Variants in NCOA3 observed in about 807,000 individuals in gnomAD.
The protein encoded by NCOA3 is nuclear receptor coactivator 3.
NCOA3 carries 51 observed loss-of-function variants against 158.8 expected under a neutral mutation model. The ratio of observed to expected loss-of-function variants is 0.32; its 90% CI spans 0.26 to 0.41. The LOEUF (loss-of-function observed/expected upper bound fraction) is 0.41. Ranked by LOEUF, NCOA3 falls within the 10% of genes least tolerant of loss-of-function variation. The pLI is 1.00. For missense variants in NCOA3, 1,510 were observed against 1,746.6 expected, an observed-to-expected ratio of 0.86 and a Z score of 2.41; for synonymous variants, 537 against 592.4, an observed-to-expected ratio of 0.91 and a Z score of 1.36.
rs71183264 is a variant in NCOA3, at chr20:47,567,012, CTATGTATGTATG to C, written c.-98-16131_-98-16120del. Reference sequence around the variant, plus strand: ...TACTAACAGTTTACATGGTATAGTACTATGTATGTATGTATGTATGTATGTATGTATGTATGT... The same window carrying C: ...TACTAACAGTTTACATGGTATAGTACTATGTATGTATGTATGTATGTATGT... On this transcript the variant is annotated intron_variant, in intron 1 of 22. Transcript: ENST00000371998. Among the ~76,000 whole-genome samples, 1,159 of 145,448 alleles carry C rather than the reference CTATGTATGTATG, an allele frequency of 8.0e-3. 14 individuals carry two copies. The highest frequency in any genetic ancestry group is 0.027 in the African/African-American group (1,049 of 39,038).
chr20:47,558,232 A>AT (rs71183263), intron 1 of NCOA3, among the ~76,000 whole-genome samples: 1,862 of 55,466 alleles, frequency 0.034, 210 homozygotes, highest in African/African-American at 0.078. Flanking sequence ...CTAATTTTGT[A>AT]TTTTTTTTTT....
chr20:47,650,842 G>A (rs1430915218), intron 19 of NCOA3, 140 bp from the exon 20 acceptor site: 13 of 797,778 alleles, frequency 1.6e-5, no homozygotes, highest in Admixed American at 7.2e-5. Context: ...CAGCCTGGGC[G>A]ACAGAGTGAG....
chr20:47,524,836 TCTC>T (rs770752840), intron 1 of NCOA3, among the ~76,000 whole-genome samples: 43 of 152,166 alleles, frequency 2.8e-4, no homozygotes, highest in Non-Finnish European at 5.3e-4. Context: ...TCTGCCTCAT[TCTC>T]CTGCTGCAGC....
intron 1 of NCOA3, among the ~76,000 whole-genome samples, chr20:47,528,424 G>A (rs117717469): frequency 0.017 from 2,510 of 151,990 alleles, 33 homozygotes; most frequent in Non-Finnish European, 0.027. Flanking sequence ...TGAATATATT[G>A]GTCTGGTATA....
At chr20:47,547,826 G>A (rs1315861340) in intron 1 of NCOA3, among the ~76,000 whole-genome samples, 2 of 151,694 alleles carry the variant, frequency 1.3e-5, no homozygotes, top group Non-Finnish European at 2.9e-5. Context: ...AGCGATTGTC[G>A]TGCCTTAGCC....
At chr20:47,646,532 A>G (rs953460669) in intron 17 of NCOA3, among the ~76,000 whole-genome samples, 1 of 152,232 alleles carries the variant, frequency 6.6e-6, no homozygotes, top group Non-Finnish European at 1.5e-5. Flanking sequence ...AAACAAAACC[A>G]AAAGTTCAGA....
At chr20:47,571,285 A>G (rs114079251) in intron 1 of NCOA3, among the ~76,000 whole-genome samples, 1,790 of 149,182 alleles carry the variant, frequency 0.012, 39 homozygotes, top group African/African-American at 0.042. Flanking sequence ...GATTACAGGT[A>G]TGAGCCACCG....
At chr20:47,635,232 T>G (rs566107436) in intron 10 of NCOA3, 90 bp from the exon 11 acceptor site, 64 of 1,344,194 alleles carry the variant, frequency 4.8e-5, no homozygotes, top group Non-Finnish European at 6.3e-5. Context: ...GCTGGCTGGT[T>G]TTTTAAAATT....
intron 1 of NCOA3, among the ~76,000 whole-genome samples, chr20:47,546,303 C>A (rs578108851): frequency 6.6e-6 from 1 of 152,156 alleles, no homozygotes; most frequent in Non-Finnish European, 1.5e-5. Context: ...TCCATTGAAC[C>A]AACATTTTCT....
intron 4 of NCOA3, among the ~76,000 whole-genome samples, chr20:47,625,125 A>C (rs570994980): frequency 5.9e-5 from 9 of 152,306 alleles, no homozygotes; most frequent in African/African-American, 1.7e-4. Flanking sequence ...GTTATTTGGT[A>C]GTTCCTTTTC....
intron 2 of NCOA3, 136 bp from the exon 3 acceptor site, chr20:47,622,093 A>G: frequency 3.7e-6 from 2 of 543,412 alleles, no homozygotes; most frequent in Non-Finnish European, 3.2e-6. Context: ...CATTTATGAA[A>G]AAGAATATTG....
At chr20:47,624,822 G>T (rs777344927) in intron 4 of NCOA3, among the ~76,000 whole-genome samples, 3 of 152,098 alleles carry the variant, frequency 2.0e-5, no homozygotes, top group Non-Finnish European at 2.9e-5. Flanking sequence ...TCTCGGGCTG[G>T]AGTGCAGTGG....
chr20:47,652,947 C>T lies in NCOA3; in HGVS notation c.4138C>T (p.Gln1380Ter). The T allele has an allele frequency of 1.9e-6, 3 of 1,614,176 alleles. No homozygotes were observed. Among genetic ancestry groups the T allele is most frequent in the Non-Finnish European group, 2.5e-6 (3 of 1,180,016 alleles). The change falls in exon 22 of 23, where the codon CAG becomes TAG. Residue 1380 changes from glutamine (Q) to a stop codon, truncating the protein, a stop_gained. Coordinates refer to ENST00000371998, the MANE Select transcript of NCOA3 (RefSeq NM_181659.3). LOFTEE classifies it high-confidence loss of function. ...TACTTACAGCTCCTTTTCCCAGCAG[C>T]AGTTTGCCCACCAGGGGAATCCTGC... ...LARNSSFSQQ[Q>*]FAHQGNPAVY...
At chr20:47,513,681 G>A (rs1015586059) in intron 1 of NCOA3, among the ~76,000 whole-genome samples, 1 of 140,052 alleles carries the variant, frequency 7.1e-6, no homozygotes, top group Non-Finnish European at 1.5e-5. Context: ...AGCCAAGATC[G>A]CGCCACTACA....
At chr20:47,632,119 T>A (rs2086428021) in intron 8 of NCOA3, among the ~76,000 whole-genome samples, 2 of 152,338 alleles carry the variant, frequency 1.3e-5, no homozygotes, top group South Asian at 4.1e-4. Flanking sequence ...ACTGACTGGC[T>A]ATAAATTGGG....
intron 6 of NCOA3, 103 bp from the exon 7 acceptor site, chr20:47,627,458 A>G (rs1001267274): frequency 3.3e-6 from 3 of 898,114 alleles, no homozygotes; most frequent in Admixed American, 4.9e-5. Context: ...AGATATAACT[A>G]TGGAAAACAT....
intron 1 of NCOA3, among the ~76,000 whole-genome samples, chr20:47,540,811 CA>C (rs1413396237): frequency 3.3e-5 from 5 of 152,066 alleles, no homozygotes; most frequent in Non-Finnish European, 5.9e-5. Context: ...ATAAATTGTA[CA>C]AATAATTGCT....
Position 47,634,212 on chromosome 20 carries a change from G to GCATTT in NCOA3, c.1112+17_1112+18insCATTT, listed in dbSNP as rs555913138. ...CCTTCAGAGGTAATGATAGATTACT[G>GCATTT]TGTATTCTAATACAAAATGCAGCAG... On this transcript the variant is annotated intron_variant, in intron 10 of 22. Coordinates refer to ENST00000371998, the MANE Select transcript of NCOA3 (RefSeq NM_181659.3). The GCATTT allele has an allele frequency of 3.8e-5, 61 of 1,599,932 alleles. No homozygotes were observed. Among genetic ancestry groups the GCATTT allele is most frequent in the Admixed American group, 3.5e-4 (21 of 59,278 alleles).
intron 2 of NCOA3, among the ~76,000 whole-genome samples, chr20:47,621,865 C>T (rs185249211): frequency 8.6e-4 from 130 of 152,004 alleles, no homozygotes; most frequent in African/African-American, 1.4e-3. Flanking sequence ...GTTGGCCAGA[C>T]GGGATTTCAC....
Sources: gnomAD v4.1 joint callset for allele counts (sites outside exome capture counted in the v4.1 genomes callset) on GRCh38, gnomAD v4.1.1 for gene constraint, MANE v1.5 for transcripts, NCBI Gene and HGNC (gene_info 2026-07-23, HGNC 2026-07-21) for gene names.